Variants in TEX9 observed in about 807,000 individuals in gnomAD.
The protein encoded by TEX9 is testis expressed 9.
Under a neutral mutation model 59.6 loss-of-function variants are expected in TEX9, and 74 were observed. The observed-to-expected ratio is 1.24, with a 90% CI of 1.03 to 1.51. The LOEUF is 1.51. Among genes scored for constraint, TEX9 ranks in the 40% most tolerant of loss-of-function variants. The pLI, the probability that TEX9 is intolerant of heterozygous loss-of-function variation, is 0.00. For missense variants in TEX9, 522 were observed against 447.8 expected, an observed-to-expected ratio of 1.17 and a Z score of -1.49; for synonymous variants, 186 against 152.2, an observed-to-expected ratio of 1.22 and a Z score of -1.64.
At chr15:56,376,592 A>C (rs1344089621) in intron 3 of TEX9, among the ~76,000 whole-genome samples, 1 of 152,002 alleles carries the variant, frequency 6.6e-6, no homozygotes, top group Non-Finnish European at 1.5e-5. Context: ...GCTCATTTTT[A>C]AATTGGATTA....
the TEX9 span, among the ~76,000 whole-genome samples, chr15:56,452,979 T>C: frequency 6.6e-6 from 1 of 152,232 alleles, no homozygotes. Context: ...AACTCTTTTT[T>C]ACATGAGTTT....
At chr15:56,400,864 C>G (rs1048684362) in intron 9 of TEX9, among the ~76,000 whole-genome samples, 1 of 152,174 alleles carries the variant, frequency 6.6e-6, no homozygotes, top group African/African-American at 2.4e-5. Flanking sequence ...TCTAGAATTT[C>G]ATATCTAGCC....
rs566887759 is a variant in TEX9 at position 56,372,466 on chromosome 15, A to T, written c.120-975A>T. Among the ~76,000 whole-genome samples, 4 of 152,320 alleles carry T rather than the reference A, an allele frequency of 2.6e-5. No individual in the cohort carries two copies. The South Asian group carries it at 8.3e-4, about 32-fold the overall frequency. On this transcript the variant is annotated intron_variant, in intron 2 of 12. Coordinates refer to ENST00000352903, the Ensembl canonical transcript of TEX9. ...ATCCTAGGTGGTCTAGAAATGTGAC[A>T]TCTCAACAGGAGAAAAAAGTTATAT...
At position 56,350,309 on chromosome 15, in the gene TEX9, T is replaced by C. The variant is rs547257003; in HGVS notation, c.-106-23132T>C. Among the ~76,000 whole-genome samples, 170 of 152,324 alleles carry C rather than the reference T, an allele frequency of 1.1e-3. 1 individual carries two copies. The highest frequency in any genetic ancestry group is 3.8e-3 in the African/African-American group (156 of 41,578). On this transcript the variant is annotated intron_variant, in intron 1 of 5. Coordinates refer to the TEX9 transcript ENST00000560827. ...TGTCCAGAGATTCAAATTACAGTGT[T>C]CAAGGGCACATGTCCCACATAACCT...
intron 10 of TEX9, among the ~76,000 whole-genome samples, chr15:56,423,220 A>G (rs1352072305): frequency 4.6e-5 from 7 of 152,150 alleles, no homozygotes; most frequent in African/African-American, 1.7e-4. Context: ...TACAACTACA[A>G]ATTTCCCTCT....
rs143444405 is a variant in TEX9, at chr15:56,279,033, C to T, written c.-107+34755C>T. On this transcript the variant is annotated intron_variant, in intron 1 of 5. Coordinates refer to the TEX9 transcript ENST00000560827. ...CATTTATTTATTTTTCCTCTAATTG[C>T]GTATTTGGAACATTGGTTTGATATG... Among the ~76,000 whole-genome samples the T allele has an allele frequency of 2.1e-3, 323 of 152,082 alleles. 2 individuals are homozygous for T. Among genetic ancestry groups the T allele is most frequent in the African/African-American group, 7.5e-3 (310 of 41,476 alleles).
chr15:56,267,090 T>G (rs1278961056), intron 1 of TEX9, among the ~76,000 whole-genome samples: 1 of 152,220 alleles, frequency 6.6e-6, no homozygotes, highest in East Asian at 1.9e-4. Flanking sequence ...TGATGAGGAT[T>G]TTTTCATGTG....
intron 9 of TEX9, among the ~76,000 whole-genome samples, chr15:56,402,096 T>G (rs1232848471): frequency 6.6e-6 from 1 of 151,810 alleles, no homozygotes; most frequent in East Asian, 1.9e-4. Flanking sequence ...GGAAACAAAT[T>G]CAAAAGCTAG....
At chr15:56,301,565 T>TA (rs1463888756) in intron 1 of TEX9, among the ~76,000 whole-genome samples, 1 of 148,554 alleles carries the variant, frequency 6.7e-6, no homozygotes, top group Admixed American at 6.7e-5. Context: ...ATGAAGAACA[T>TA]AAAAAAGAGC....
chr15:56,394,101 T>C (rs72742631), intron 7 of TEX9, 64 bp from the exon 8 acceptor site: 129,046 of 1,444,968 alleles, frequency 0.089, 6,315 homozygotes, highest in Non-Finnish European at 0.1. Flanking sequence ...TAATGGTCTG[T>C]CTTACAATTG....
chr15:56,290,298 T>G (rs2045058493), intron 1 of TEX9, among the ~76,000 whole-genome samples: 1 of 152,130 alleles, frequency 6.6e-6, no homozygotes, highest in Non-Finnish European at 1.5e-5. Flanking sequence ...ATTACCTCAG[T>G]GGCAAGAGAT....
chr15:56,317,731 G>A (rs1252026631), intron 1 of TEX9, among the ~76,000 whole-genome samples: 2 of 151,922 alleles, frequency 1.3e-5, no homozygotes, highest in African/African-American at 2.4e-5. Context: ...TAATCTCAAG[G>A]TATTTCCTAA....
chr15:56,401,879 C>T (rs1282254285), intron 9 of TEX9, among the ~76,000 whole-genome samples: 1 of 152,186 alleles, frequency 6.6e-6, no homozygotes, highest in African/African-American at 2.4e-5. Flanking sequence ...TCCTGAATGA[C>T]TACTGGGTAC....
At chr15:56,318,114 C>G (rs766689084) in intron 1 of TEX9, among the ~76,000 whole-genome samples, 5 of 152,028 alleles carry the variant, frequency 3.3e-5, no homozygotes, top group Non-Finnish European at 7.4e-5. Context: ...CTTATTTCTC[C>G]TTCAATTCTC....
rs1234095165 is a variant in TEX9 at position 56,339,405 on chromosome 15, A to AACAAAC, written c.-106-34035_-106-34034insCAAACA. 2.6e-3 allele frequency among the ~76,000 whole-genome samples: 303 copies of AACAAAC among 115,782 alleles called. 18 individuals are homozygous for AACAAAC. In the East Asian group the frequency reaches 0.027, roughly 10 times the overall value. 76.0% of individuals were successfully genotyped at this position (115,782 alleles called of 152,430 possible). A position where few individuals can be genotyped will look rare whatever the true frequency, so the allele number is the denominator to read the frequency against. ...CTCCAAAAAAAAAAAAAAAAAAAAA[A>AACAAAC]AAAAAAAAACAGGAGAATAACTTAG... is the stretch of plus-strand genomic sequence containing the variant. On this transcript the variant is annotated intron_variant, in intron 1 of 5. Transcript: ENST00000560827.
At chr15:56,443,853 C>T (rs754190232) in intron 12 of TEX9, 1 of 1,592,440 alleles carries the variant, frequency 6.3e-7, no homozygotes, top group South Asian at 1.2e-5. Context: ...TGTTGTTTTT[C>T]CCTGAAAAGC....
intron 1 of TEX9, among the ~76,000 whole-genome samples, chr15:56,266,775 T>G (rs1200546128): frequency 6.6e-6 from 1 of 152,202 alleles, no homozygotes; most frequent in African/African-American, 2.4e-5. Flanking sequence ...TGAATAGTGC[T>G]GCAATAAACA....
chr15:56,307,285 A>G (rs2045505933), intron 1 of TEX9, among the ~76,000 whole-genome samples: 2 of 152,196 alleles, frequency 1.3e-5, no homozygotes, highest in African/African-American at 4.8e-5. Context: ...CTTATTGTCT[A>G]AACAGCCTCT....
intron 5 of TEX9, among the ~76,000 whole-genome samples, chr15:56,388,793 G>A (rs17819444): frequency 0.3 from 45,266 of 151,494 alleles, 7,672 homozygotes; most frequent in Middle Eastern, 0.47. Flanking sequence ...TTTTCCTGAC[G>A]CTTAAATCTA....
Sources: allele counts gnomAD v4.1 joint callset (sites outside exome capture counted in the v4.1 genomes callset), GRCh38; gene constraint gnomAD v4.1.1; transcripts MANE v1.5; gene names NCBI Gene and HGNC (gene_info 2026-07-23, HGNC 2026-07-21).